The following MIA3 variants were observed in gnomAD, a reference collection of about 807,000 sequenced individuals.
The protein encoded by MIA3 is transport and Golgi organization protein 1 homolog.
MIA3 carries 90 observed loss-of-function variants against 192.4 expected under a neutral mutation model. The ratio of observed to expected loss-of-function variants is 0.47; its 90% CI spans 0.39 to 0.56. The LOEUF (loss-of-function observed/expected upper bound fraction) is 0.56. Ranked by LOEUF, MIA3 falls within the 20% of genes least tolerant of loss-of-function variation. MIA3 has a pLI of 0.00. For missense variants in MIA3, 2,123 were observed against 2,269.4 expected, an observed-to-expected ratio of 0.94 and a Z score of 1.31; for synonymous variants, 740 against 792.8, an observed-to-expected ratio of 0.93 and a Z score of 1.12.
chr1:222,622,959 G>A (rs535391085), intron 2 of MIA3, among the ~76,000 whole-genome samples: 1 of 152,300 alleles, frequency 6.6e-6, no homozygotes, highest in South Asian at 2.1e-4. Context: ...TGTTTGCACT[G>A]TTCATGTGGC....
At position 222,646,473 on chromosome 1, in the gene MIA3, C is replaced by T. The variant is rs538481960; in HGVS notation, c.3609+788C>T. On this transcript the variant is annotated intron_variant, in intron 7 of 27. Coordinates refer to ENST00000344922, the MANE Select transcript of MIA3 (RefSeq NM_198551.4). ...TCATGCATTAAATATCTTACATGGC[C>T]GGGCGTGGTGGCTCACACCTGTAAT... Among the ~76,000 whole-genome samples the T allele has an allele frequency of 6.0e-5, 9 of 151,236 alleles. No homozygotes were observed. In the East Asian group the frequency reaches 1.2e-3, roughly 20 times the overall value.
intron 6 of MIA3, among the ~76,000 whole-genome samples, chr1:222,643,568 A>AT (rs759797437): frequency 1.3e-5 from 2 of 152,030 alleles, no homozygotes; most frequent in Non-Finnish European, 2.9e-5. Flanking sequence ...TACAGATACC[A>AT]TTTTTTCCCC....
intron 4 of MIA3, among the ~76,000 whole-genome samples, chr1:222,630,642 G>A (rs556569317): frequency 6.6e-6 from 1 of 152,332 alleles, no homozygotes; most frequent in Non-Finnish European, 1.5e-5. Flanking sequence ...AAAAGCTAAA[G>A]AGAAAGATAT....
At position 222,645,680 on chromosome 1, in the gene MIA3, C is replaced by T; in HGVS notation, c.3604C>T (p.Leu1202Phe). Residue 1202 changes from leucine to phenylalanine, a missense_variant, in exon 7 of 28, where the codon CTT becomes TTT. Physicochemically the swap from Leu to Phe is conservative, Grantham distance 22. Coordinates refer to ENST00000344922, the MANE Select transcript of MIA3 (RefSeq NM_198551.4). ...SFAIFLWRTV[L>F]VVKDRVYQVT... ...TGCCATTTTCTTATGGAGAACTGTC[C>T]TTGTTGTGAGTAAATTAATGCATAC... is the stretch of plus-strand genomic sequence containing the variant. 6.2e-7 allele frequency: 1 copy of T among 1,613,334 alleles called. No homozygotes were observed. Among genetic ancestry groups the T allele is most frequent in the Non-Finnish European group, 8.5e-7 (1 of 1,179,708 alleles).
intron 6 of MIA3, among the ~76,000 whole-genome samples, chr1:222,640,090 A>C (rs1310387657): frequency 6.6e-6 from 1 of 152,132 alleles, no homozygotes; most frequent in Non-Finnish European, 1.5e-5. Flanking sequence ...TCCATGTACA[A>C]TAGTATCAAA....
chr1:222,657,743 C>T (rs1490712110), intron 18 of MIA3, among the ~76,000 whole-genome samples: 1 of 152,208 alleles, frequency 6.6e-6, no homozygotes, highest in Non-Finnish European at 1.5e-5. Flanking sequence ...AGAGGTGGTA[C>T]TTACCATAGC....
At chr1:222,631,801 A>G (rs1450845509) in intron 4 of MIA3, among the ~76,000 whole-genome samples, 3 of 152,210 alleles carry the variant, frequency 2.0e-5, no homozygotes, top group Non-Finnish European at 2.9e-5. Context: ...ATGCTAGGGT[A>G]TGCAAGAGTT....
intron 6 of MIA3, among the ~76,000 whole-genome samples, chr1:222,636,886 C>T (rs1662650198): frequency 6.6e-6 from 1 of 152,130 alleles, no homozygotes; most frequent in Admixed American, 6.5e-5. Context: ...TAATCTCTGC[C>T]TCCTCTGCAA....
intron 1 of MIA3, among the ~76,000 whole-genome samples, chr1:222,619,992 C>G (rs994031237): frequency 1.3e-5 from 2 of 152,116 alleles, no homozygotes; most frequent in African/African-American, 4.8e-5. Flanking sequence ...AGAAACATTG[C>G]CATTTTCAAT....
At chr1:222,625,779 C>G (rs1468193287) in intron 3 of MIA3, among the ~76,000 whole-genome samples, 1 of 152,180 alleles carries the variant, frequency 6.6e-6, no homozygotes, top group Non-Finnish European at 1.5e-5. Context: ...CTCTGCCGCC[C>G]AGGCTGGAGT....
rs779303292 is a variant in MIA3 at position 222,628,852 on chromosome 1, G to A, written c.1632G>A (p.Lys544=). The A allele has an allele frequency of 2.3e-5, 37 of 1,614,024 alleles. 1 individual carries two copies. In the South Asian group the frequency reaches 4.0e-4, roughly 17 times the overall value. ...HISKGMLHEE[K]PGEQILEGGS... is the part of the protein sequence containing the mutation. ...CAAAAGGAATGCTCCACGAAGAAAA[G>A]CCTGGAGAGCAGATTTTGGAAGGTG... Residue 544 remains lysine (K), a synonymous_variant, in exon 4 of 28, where the codon AAG becomes AAA. Transcript: ENST00000344922.
chr1:222,643,319 AAATTTCCAGT>A (rs1662946206), intron 6 of MIA3, among the ~76,000 whole-genome samples: 1 of 152,212 alleles, frequency 6.6e-6, no homozygotes, highest in African/African-American at 2.4e-5. Flanking sequence ...GCTGTATCGC[AAATTTCCAGT>A]GCAGTTGGGT....
At chr1:222,655,035 G>T (rs567960632) in intron 18 of MIA3, among the ~76,000 whole-genome samples, 2 of 152,346 alleles carry the variant, frequency 1.3e-5, no homozygotes, top group South Asian at 2.1e-4. Context: ...GGTACTGACG[G>T]TCGCTGCTGT....
chr1:222,648,285 G>A (rs1464761239), intron 7 of MIA3, among the ~76,000 whole-genome samples: 1 of 152,072 alleles, frequency 6.6e-6, no homozygotes, highest in South Asian at 2.1e-4. Flanking sequence ...AGTATTTATA[G>A]CATTATTTTT....
chr1:222,630,315 A>G lies in MIA3; in HGVS notation c.3095A>G (p.His1032Arg), dbSNP rs753542370. The G allele has an allele frequency of 2.0e-5, 33 of 1,614,060 alleles. No homozygotes were observed. The highest frequency in any genetic ancestry group is 2.8e-5 in the Non-Finnish European group (33 of 1,180,024). Residue 1032 changes from histidine to arginine, a missense_variant, in exon 4 of 28, where the codon CAC becomes CGC. This residue lies in a region of MIA3 where 1,357 missense variants were observed against 1,396.1 expected (regional missense o/e 0.97). Coordinates refer to ENST00000344922, the MANE Select transcript of MIA3 (RefSeq NM_198551.4). Reference protein sequence around the residue: ...QDLIYFVRYKHSTAEETATLV... With the variant: ...QDLIYFVRYKRSTAEETATLV... ...CTCATCTATTTTGTCAGGTACAAGC[A>G]CTCCACAGCAGAGGAGACAGCCACA... is the stretch of plus-strand genomic sequence containing the variant.
chr1:222,621,891 C>A (rs1260045911), intron 2 of MIA3, among the ~76,000 whole-genome samples: 1 of 150,406 alleles, frequency 6.6e-6, no homozygotes, highest in Non-Finnish European at 1.5e-5. Flanking sequence ...TCACTGCAAG[C>A]TCCGCCTCCC....
chr1:222,626,700 C>G (rs112443246), intron 3 of MIA3, among the ~76,000 whole-genome samples: 1 of 152,128 alleles, frequency 6.6e-6, no homozygotes, highest in African/African-American at 2.4e-5. Context: ...GTTCTTGTGG[C>G]AGTATGAAAA....
chr1:222,662,944 A>G (rs1211853596), intron 26 of MIA3: 1 of 155,126 alleles, frequency 6.4e-6, no homozygotes, highest in African/African-American at 2.4e-5. Flanking sequence ...GAAGTCTATA[A>G]TTACCCGTTG....
intron 6 of MIA3, among the ~76,000 whole-genome samples, chr1:222,634,231 G>A (rs1001245762): frequency 2.0e-5 from 3 of 151,924 alleles, no homozygotes; most frequent in Admixed American, 6.6e-5. Flanking sequence ...TGAGGCAGGA[G>A]AATAGCTTGA....
Sources: gnomAD v4.1 joint callset for allele counts (sites outside exome capture counted in the v4.1 genomes callset) on GRCh38, gnomAD v4.1.1 for gene constraint, gnomAD v4.1.1 regional missense constraint, MANE v1.5 for transcripts, NCBI Gene and HGNC (gene_info 2026-07-23, HGNC 2026-07-21) for gene names.